Variants in ARMC2 observed in about 807,000 individuals in gnomAD.
ARMC2 encodes armadillo repeat containing 2.
A neutral mutation model predicts 90.3 loss-of-function variants in ARMC2; 67 were observed. The observed-to-expected ratio is 0.74, with a 90% CI of 0.61 to 0.91. The LOEUF (loss-of-function observed/expected upper bound fraction) is 0.91, where lower values mean the gene tolerates loss of function less well. ARMC2 is among the 40% of genes least tolerant of loss of function. The pLI is 0.00. For missense variants in ARMC2, 920 were observed against 1,030.9 expected, an observed-to-expected ratio of 0.89 and a Z score of 1.47; for synonymous variants, 393 against 393.0, an observed-to-expected ratio of 1.00 and a Z score of 0.00.
At chr6:109,020,326 T>C in the ARMC2 span, among the ~76,000 whole-genome samples, 2 of 152,236 alleles carry the variant, frequency 1.3e-5, no homozygotes, top group Non-Finnish European at 2.9e-5. Context: ...GTAGTGATTA[T>C]TTGTTTCATC....
chr6:108,985,432 G>C, the ARMC2 span, among the ~76,000 whole-genome samples: 1 of 152,054 alleles, frequency 6.6e-6, no homozygotes, highest in Non-Finnish European at 1.5e-5. Flanking sequence ...GAAACTACTG[G>C]TTTCAAAGAT....
the ARMC2 span, among the ~76,000 whole-genome samples, chr6:109,052,292 G>T: frequency 6.6e-6 from 1 of 151,928 alleles, no homozygotes; most frequent in Admixed American, 6.5e-5. Context: ...AAATATTTGA[G>T]AAAATTTTAA....
At chr6:108,852,473 G>C (rs1230331026) in intron 1 of ARMC2, among the ~76,000 whole-genome samples, 2 of 152,116 alleles carry the variant, frequency 1.3e-5, no homozygotes, top group African/African-American at 4.8e-5. Context: ...TATCAGTATA[G>C]TATTTGGTCA....
the ARMC2 span, among the ~76,000 whole-genome samples, chr6:109,036,102 T>C: frequency 7.2e-5 from 11 of 152,080 alleles, no homozygotes; most frequent in Non-Finnish European, 1.5e-5. Context: ...AGCCTCTTAT[T>C]AGGACCTTTT....
intron 4 of ARMC2, among the ~76,000 whole-genome samples, chr6:108,874,165 T>G (rs1228291635): frequency 6.6e-6 from 1 of 152,138 alleles, no homozygotes; most frequent in Non-Finnish European, 1.5e-5. Context: ...TCGAGGACAT[T>G]CATCAGGAAT....
the ARMC2 span, among the ~76,000 whole-genome samples, chr6:109,000,981 ATAT>A: frequency 6.6e-6 from 1 of 152,164 alleles, no homozygotes; most frequent in Non-Finnish European, 1.5e-5. Context: ...AAATAATGGA[ATAT>A]TATTTACATC....
intron 8 of ARMC2, among the ~76,000 whole-genome samples, chr6:108,910,583 A>G (rs750179293): frequency 1.3e-4 from 20 of 152,240 alleles, no homozygotes; most frequent in Non-Finnish European, 2.8e-4. Flanking sequence ...CCAGGTATAT[A>G]CTCAGAAGAA....
intron 8 of ARMC2, among the ~76,000 whole-genome samples, chr6:108,905,675 A>T (rs1463177440): frequency 6.6e-6 from 1 of 152,238 alleles, no homozygotes; most frequent in Non-Finnish European, 1.5e-5. Context: ...TATATGACAC[A>T]AATTTAACTA....
intron 12 of ARMC2, among the ~76,000 whole-genome samples, chr6:108,952,185 A>G (rs1777238677): frequency 6.6e-6 from 1 of 152,206 alleles, no homozygotes; most frequent in African/African-American, 2.4e-5. Context: ...ATTGACACCC[A>G]TGGGGAAGGC....
chr6:108,937,684 ATTATTT>A (rs1562408128), intron 12 of ARMC2, among the ~76,000 whole-genome samples: 1 of 152,110 alleles, frequency 6.6e-6, no homozygotes, highest in Non-Finnish European at 1.5e-5. Context: ...TCATACAGAC[ATTATTT>A]TTATTTTTAT....
chr6:108,889,290 C>T (rs1433858924), intron 5 of ARMC2, among the ~76,000 whole-genome samples: 6 of 150,894 alleles, frequency 4.0e-5, no homozygotes, highest in South Asian at 2.1e-4. Flanking sequence ...GAATTACAGG[C>T]GCCCGCCACC....
intron 4 of ARMC2, among the ~76,000 whole-genome samples, chr6:108,869,444 G>A (rs1431026412): frequency 6.6e-6 from 1 of 152,184 alleles, no homozygotes; most frequent in East Asian, 1.9e-4. Context: ...GGAGGTGGAG[G>A]TTGCAGTGAG....
the ARMC2 span, chr6:109,008,978 A>G: frequency 9.9e-7 from 1 of 1,008,738 alleles, no homozygotes; most frequent in Non-Finnish European, 1.2e-6. Context: ...GCATATCCAC[A>G]GGCTGTTTCA....
chr6:109,008,264 CAA>C, the ARMC2 span, among the ~76,000 whole-genome samples: 1 of 152,086 alleles, frequency 6.6e-6, no homozygotes, highest in African/African-American at 2.4e-5. Context: ...CACTTCTACT[CAA>C]AAAGAGAAAA....
chr6:109,023,937 G>C, the ARMC2 span, among the ~76,000 whole-genome samples: 2 of 152,066 alleles, frequency 1.3e-5, no homozygotes, highest in African/African-American at 4.8e-5. Flanking sequence ...CTCAAAGAAT[G>C]AGTGATTTTT....
chr6:108,856,708 A>T (rs1317808213), intron 2 of ARMC2: 1 of 153,204 alleles, frequency 6.5e-6, no homozygotes, highest in African/African-American at 2.4e-5. Flanking sequence ...CATCCACTGC[A>T]CCTCCAGCAG....
chr6:108,986,465 TA>T, the ARMC2 span: 1 of 152,644 alleles, frequency 6.6e-6, no homozygotes, highest in South Asian at 2.1e-4. Flanking sequence ...CTTCTTTATT[TA>T]AAAATACCAG....
intron 4 of ARMC2, among the ~76,000 whole-genome samples, chr6:108,872,513 C>A (rs1776522767): frequency 6.6e-6 from 1 of 152,190 alleles, no homozygotes; most frequent in Non-Finnish European, 1.5e-5. Flanking sequence ...TCTTAAACCA[C>A]CGTCTGCTCA....
chr6:109,002,195 G>A, the ARMC2 span: 4 of 1,201,912 alleles, frequency 3.3e-6, no homozygotes, highest in South Asian at 3.8e-5. Flanking sequence ...TTGACCAACA[G>A]TTCTTCAGAT....
Sources: allele counts gnomAD v4.1 joint callset (sites outside exome capture counted in the v4.1 genomes callset), GRCh38; gene constraint gnomAD v4.1.1; transcripts MANE v1.5; gene names NCBI Gene and HGNC (gene_info 2026-07-23, HGNC 2026-07-21).